The following KCNQ5 variants were observed in gnomAD, a reference collection of about 807,000 sequenced individuals.
The protein encoded by KCNQ5 is potassium voltage-gated channel subfamily KQT member 5.
In KCNQ5, 30 loss-of-function variants were observed where a neutral mutation model predicts 98.2. The ratio of observed to expected loss-of-function variants is 0.31; its 90% confidence interval spans 0.23 to 0.41. The LOEUF (loss-of-function observed/expected upper bound fraction) is 0.41. Ranked by LOEUF, KCNQ5 falls within the 10% of genes least tolerant of loss-of-function variation. The probability of loss-of-function intolerance (pLI) is 1.00; values close to 1 mark genes in which losing one functional copy is unlikely to be tolerated. For missense variants in KCNQ5, 835 were observed against 1,182.5 expected (o/e 0.71, Z 4.31); for synonymous variants, 458 against 449.4 (o/e 1.02, Z -0.24).
intron 3 of KCNQ5, among the ~76,000 whole-genome samples, chr6:73,065,844 A>T (rs953374842): frequency 4.6e-5 from 7 of 152,160 alleles, no homozygotes; most frequent in African/African-American, 1.7e-4. Flanking sequence ...TCCCATTGAG[A>T]CAACCGAAAA....
chr6:72,628,672 T>G (rs138780806), intron 1 of KCNQ5, among the ~76,000 whole-genome samples: 2,807 of 152,180 alleles, frequency 0.018, 71 homozygotes, highest in African/African-American at 0.062. Flanking sequence ...TGCAGTGGTG[T>G]GATCTCAGCT....
intron 1 of KCNQ5, among the ~76,000 whole-genome samples, chr6:72,958,410 T>A (rs934189267): frequency 2.0e-5 from 3 of 152,228 alleles, no homozygotes; most frequent in Non-Finnish European, 4.4e-5. Flanking sequence ...AGGTTTAATA[T>A]CCTGCCTGTC....
intron 1 of KCNQ5, among the ~76,000 whole-genome samples, chr6:72,954,192 T>C (rs1181081831): frequency 6.6e-6 from 1 of 152,190 alleles, no homozygotes; most frequent in East Asian, 1.9e-4. Flanking sequence ...CATATCAAGC[T>C]TCTGGTTCCA....
In KCNQ5 at chr6:73,195,335, G is replaced by A. The variant is rs1765751157; in HGVS notation, c.2720G>A (p.Arg907Lys). The A allele has an allele frequency of 6.2e-7, 1 of 1,614,166 alleles. No individual in the cohort carries two copies. The highest frequency in any genetic ancestry group is 8.5e-7 in the Non-Finnish European group (1 of 1,180,036). The change falls in exon 14 of 14, where the codon AGG becomes AAG. Residue 907 changes from arginine (R) to lysine (K), a missense_variant. Physicochemically the swap from Arg to Lys is conservative, Grantham distance 26 (BLOSUM62 2). This residue lies in a region of KCNQ5 where 416 missense variants were observed against 446.9 expected (regional missense o/e 0.93). Transcript: ENST00000370398. ...GCATCAGACTCTCTAAGGACTGGAA[G>A]GTCACGATCATCTCAGAGCATTTGT... is the stretch of plus-strand genomic sequence containing the variant. ...AFASDSLRTG[R>K]SRSSQSICKA...
At chr6:72,888,894 G>A (rs921801913) in intron 1 of KCNQ5, among the ~76,000 whole-genome samples, 2 of 152,112 alleles carry the variant, frequency 1.3e-5, no homozygotes, top group Non-Finnish European at 2.9e-5. Context: ...GCAGTGCGCA[G>A]AAGAAAAAAT....
chr6:73,189,823 T>A (rs1765518324), intron 11 of KCNQ5, among the ~76,000 whole-genome samples: 1 of 152,114 alleles, frequency 6.6e-6, no homozygotes, highest in Non-Finnish European at 1.5e-5. Context: ...GGAGGCATTG[T>A]TATAAGAGGT....
chr6:72,622,510 G>C lies in KCNQ5; in HGVS notation c.321G>C (p.Lys107Asn). ...GCCAGAGCTGCCGGCGCAACGTCAA[G>C]TACCGGCGGGTGCAGAACTACCTGT... ...TSSQSCRRNV[K>N]YRRVQNYLYN... Residue 107 changes from lysine (K) to asparagine (N), a missense_variant, in exon 1 of 14, where the codon AAG becomes AAC. Physicochemically the swap from Lys to Asn is moderately conservative, Grantham distance 94. Coordinates refer to ENST00000370398, the MANE Select transcript of KCNQ5 (RefSeq NM_019842.4). This position sits in a 1 kb window ranked among gnomAD's most constrained non-coding sequence, Gnocchi z 6.0. The C allele has an allele frequency of 6.3e-7, 1 of 1,598,032 alleles. No homozygotes were observed. Among genetic ancestry groups the C allele is most frequent in the Non-Finnish European group, 8.5e-7 (1 of 1,171,886 alleles).
rs201673406 is a variant in KCNQ5 at position 73,092,120 on chromosome 6, G to GT, written c.919-13130dup. Among the ~76,000 whole-genome samples the GT allele has an allele frequency of 8.5e-3, 1,265 of 148,364 alleles. 25 individuals are homozygous for GT. The highest frequency in any genetic ancestry group is 0.03 in the African/African-American group (1,217 of 40,314). ...TTTGTTTTTTGTTTCGTTTTGTTTT[G>GT]TTTTTTTGTTTTTGTAGCTATTGTA... On this transcript the variant is annotated intron_variant, in intron 5 of 13. Transcript: ENST00000370398.
chr6:73,197,005 T>C lies in KCNQ5; in HGVS notation c.*1591T>C, dbSNP rs1024940449. ...CACAGGAGGACTCAAGAAAGGAAGT[T>C]GTTTCCTTGGCAGACATAAATGCTG... On this transcript the variant is annotated 3_prime_UTR_variant, in exon 14 of 14. Coordinates refer to ENST00000370398, the MANE Select transcript of KCNQ5 (RefSeq NM_019842.4). 7 of 152,028 alleles carry C rather than the reference T, an allele frequency of 4.6e-5. No individual in the cohort carries two copies. Among genetic ancestry groups the C allele is most frequent in the Non-Finnish European group, 8.8e-5 (6 of 67,996 alleles). 9.4% of individuals were successfully genotyped at this position (152,028 alleles called of 1,614,324 possible). A position where few individuals can be genotyped will look rare whatever the true frequency, so the allele number is the denominator to read the frequency against.
At chr6:73,172,208 T>C (rs755585949) in intron 11 of KCNQ5, among the ~76,000 whole-genome samples, 2 of 152,110 alleles carry the variant, frequency 1.3e-5, no homozygotes, top group Non-Finnish European at 2.9e-5. Flanking sequence ...GTTTTTCTCC[T>C]CCATATCCTG....
intron 1 of KCNQ5, among the ~76,000 whole-genome samples, chr6:72,732,607 G>A (rs1016532323): frequency 1.3e-5 from 2 of 152,200 alleles, no homozygotes; most frequent in African/African-American, 4.8e-5. Flanking sequence ...ATCATAAAGG[G>A]TCTTTGGGAC....
chr6:73,078,214 C>A (rs1177761114), intron 5 of KCNQ5, among the ~76,000 whole-genome samples: 13 of 151,612 alleles, frequency 8.6e-5, no homozygotes, highest in Non-Finnish European at 4.4e-5. Flanking sequence ...TTGTGGAGCA[C>A]AAATTTAAAT....
At chr6:73,173,893 A>C (rs1659780366) in intron 11 of KCNQ5, among the ~76,000 whole-genome samples, 1 of 152,128 alleles carries the variant, frequency 6.6e-6, no homozygotes, top group South Asian at 2.1e-4. Context: ...TAAATATAAC[A>C]GAAATTGTAT....
chr6:72,687,008 ATG>A (rs1767992519), intron 1 of KCNQ5, among the ~76,000 whole-genome samples: 1 of 152,092 alleles, frequency 6.6e-6, no homozygotes, highest in African/African-American at 2.4e-5. Context: ...CAGATTTAGA[ATG>A]TGTGTGTGTA....
At position 72,965,325 on chromosome 6, in the gene KCNQ5, G is replaced by A. The variant is rs534798060; in HGVS notation, c.399-38583G>A. On this transcript the variant is annotated intron_variant, in intron 1 of 13. Transcript: ENST00000370398. ...TAACGTATCATTAAATGGAAGCACA[G>A]GTAAAACAATAATATGTATTGATAA... is the stretch of plus-strand genomic sequence containing the variant. Among the ~76,000 whole-genome samples the A allele has an allele frequency of 1.8e-3, 281 of 152,204 alleles. 1 individual carries two copies. Among genetic ancestry groups the A allele is most frequent in the African/African-American group, 6.4e-3 (265 of 41,548 alleles).
At chr6:72,744,281 T>G (rs1431153994) in intron 1 of KCNQ5, among the ~76,000 whole-genome samples, 6 of 152,118 alleles carry the variant, frequency 3.9e-5, no homozygotes, top group African/African-American at 1.4e-4. Context: ...TGCAATCTAT[T>G]TATCCTGTGG....
In KCNQ5 at chr6:72,789,752, G is replaced by C. The variant is rs147234930; in HGVS notation, c.398+167165G>C. 1.9e-3 allele frequency among the ~76,000 whole-genome samples: 292 copies of C among 152,320 alleles called. 3 individuals carry two copies. Among genetic ancestry groups the C allele is most frequent in the Admixed American group, 0.013 (202 of 15,298 alleles). ...TTGTATTAGGTCACACAGCTGGTGAGTGGCAAAGTCAGGAAAGGAACTCAA... is the reference window on the plus strand; with the variant it reads ...TTGTATTAGGTCACACAGCTGGTGACTGGCAAAGTCAGGAAAGGAACTCAA... On this transcript the variant is annotated intron_variant, in intron 1 of 13. Transcript: ENST00000370398.
At chr6:72,807,863 G>C (rs1382482977) in intron 1 of KCNQ5, among the ~76,000 whole-genome samples, 27 of 152,184 alleles carry the variant, frequency 1.8e-4, no homozygotes, top group Admixed American at 1.8e-3. Context: ...ATGTGGAAAA[G>C]TGTTCCAGGC....
intron 1 of KCNQ5, among the ~76,000 whole-genome samples, chr6:72,823,630 C>A (rs1398188672): frequency 6.6e-6 from 1 of 152,172 alleles, no homozygotes; most frequent in African/African-American, 2.4e-5. Context: ...GGCTCTGGGG[C>A]TCACTCGGGT....
Sources: allele counts gnomAD v4.1 joint callset (sites outside exome capture counted in the v4.1 genomes callset), GRCh38; gene constraint gnomAD v4.1.1; regional missense constraint gnomAD v4.1.1; non-coding constraint Gnocchi (gnomAD v3.1); transcripts MANE v1.5; gene names NCBI Gene and HGNC (gene_info 2026-07-23, HGNC 2026-07-21).